Variants in SI observed in about 807,000 individuals in gnomAD.
SI encodes the protein sucrase-isomaltase.
SI carries 235 observed loss-of-function variants against 253.3 expected under a neutral mutation model. The ratio of observed to expected loss-of-function variants is 0.93; its 90% CI spans 0.83 to 1.03. SI has a LOEUF of 1.03. Ranked by LOEUF, SI falls within the 50% of genes least tolerant of loss-of-function variation. The pLI is 0.00. For missense variants in SI, 2,442 were observed against 2,211.1 expected (o/e 1.10, Z -2.09); for synonymous variants, 819 against 712.0 (o/e 1.15, Z -2.39).
the SI span, among the ~76,000 whole-genome samples, chr3:165,086,090 C>T: frequency 6.6e-6 from 1 of 151,964 alleles, no homozygotes; most frequent in African/African-American, 2.4e-5. Flanking sequence ...CATGTCTCTA[C>T]TAAAAGTACA....
At chr3:165,064,573 G>C (rs1325961017) in intron 7 of SI, among the ~76,000 whole-genome samples, 2 of 151,988 alleles carry the variant, frequency 1.3e-5, no homozygotes, top group Non-Finnish European at 2.9e-5. Flanking sequence ...TTAAAGTTAT[G>C]ATGTTTGGTC....
chr3:164,995,137 G>A lies in SI; in HGVS notation c.4693-732C>T, dbSNP rs148723582. 1.9e-3 allele frequency among the ~76,000 whole-genome samples: 282 copies of A among 151,810 alleles called. 2 individuals are homozygous for A. The highest frequency in any genetic ancestry group is 6.2e-3 in the African/African-American group (257 of 41,502). ...TCGAGGTAACATTTAAATGTTTTTC[G>A]TTGACATCAGCATGACTGGGGCCCT... On this transcript the variant is annotated intron_variant, in intron 40 of 47. Coordinates refer to ENST00000264382, the MANE Select transcript of SI (RefSeq NM_001041.4).
chr3:165,043,286 C>T (rs902102421), intron 16 of SI, 111 bp from the exon 17 acceptor site: 140 of 733,300 alleles, frequency 1.9e-4, no homozygotes, highest in Non-Finnish European at 2.0e-4. Context: ...ATTTGTTTTA[C>T]TCCTTTTATA....
chr3:165,057,703 A>C (rs9878023), intron 12 of SI, among the ~76,000 whole-genome samples: 80,501 of 138,950 alleles, frequency 0.58, 21,803 homozygotes, highest in East Asian at 0.79. Flanking sequence ...GCTGTAGAGA[A>C]AAAAAAAAAA....
intron 23 of SI, among the ~76,000 whole-genome samples, 169 bp downstream of exon 23, chr3:165,033,226 A>G (rs1712339970): frequency 6.6e-6 from 1 of 151,640 alleles, no homozygotes; most frequent in Non-Finnish European, 1.5e-5. Context: ...CAATTTATTT[A>G]TAATTTAACA....
intron 44 of SI, among the ~76,000 whole-genome samples, chr3:164,990,522 A>G (rs1717680160): frequency 6.6e-6 from 1 of 152,180 alleles, no homozygotes; most frequent in African/African-American, 2.4e-5. Context: ...TCATAGGCAG[A>G]GGCATTGACA....
At position 165,030,733 on chromosome 3, in the gene SI, T is replaced by G. The variant is rs529332139; in HGVS notation, c.2871A>C (p.Gln957His). The G allele has an allele frequency of 6.2e-7, 1 of 1,608,924 alleles. No homozygotes were observed. Among genetic ancestry groups the G allele is most frequent in the South Asian group, 1.1e-5 (1 of 90,924 alleles). Residue 957 changes from glutamine to histidine, a missense_variant, in exon 25 of 48, where the codon CAA (glutamine) becomes CAC (histidine). Physicochemically the swap from Gln to His is conservative, Grantham distance 24. Transcript: ENST00000264382. ...ADLATEQKCT[Q>H]RGCVWRTGSS... is the part of the protein sequence containing the mutation. The stretch of plus-strand genomic sequence containing the variant: ...TTACCGTTCTCCATACACAGCCACG[T>G]TGTGTGCACTTTTGTTCAGTTGCCA...
At chr3:165,079,425 T>C (rs1433824587), upstream of SI, among the ~76,000 whole-genome samples, 1 of 151,666 alleles carries the variant, frequency 6.6e-6, no homozygotes, top group Non-Finnish European at 1.5e-5. Flanking sequence ...GTAGAGCAAT[T>C]AGTTTTTGAA....
intron 5 of SI, among the ~76,000 whole-genome samples, chr3:165,067,992 T>C (rs1714336199): frequency 6.6e-6 from 1 of 151,496 alleles, no homozygotes; most frequent in Non-Finnish European, 1.5e-5. Context: ...GCTAAAAAGG[T>C]GATATACAAA....
chr3:165,056,009 T>C (rs995093759), intron 12 of SI, among the ~76,000 whole-genome samples: 5 of 152,126 alleles, frequency 3.3e-5, no homozygotes, highest in African/African-American at 1.2e-4. Flanking sequence ...CTATGTGTAT[T>C]ATGCTGTCTT....
At chr3:165,029,563 CTG>C (rs1280406165) in intron 25 of SI, among the ~76,000 whole-genome samples, 1 of 95,808 alleles carries the variant, frequency 1.0e-5, no homozygotes, top group Non-Finnish European at 2.5e-5. Flanking sequence ...GATAAAAAAA[CTG>C]TGGTGTATAT....
At chr3:165,070,484 G>A (rs1348504122) in intron 3 of SI, among the ~76,000 whole-genome samples, 2 of 150,774 alleles carry the variant, frequency 1.3e-5, no homozygotes, top group African/African-American at 2.4e-5. Context: ...TCTAAAGTGT[G>A]TGCAACTTTT....
chr3:165,033,462 G>T lies in SI; in HGVS notation c.2516-18C>A. On this transcript the variant is annotated intron_variant, in intron 22 of 47. Coordinates refer to ENST00000264382, the MANE Select transcript of SI (RefSeq NM_001041.4). Reference sequence around the variant, plus strand: ...TATTGTATCTGAAATGAAAAATATCGTGATCAGTACAAAATGCAATGTTAA... The same window carrying T: ...TATTGTATCTGAAATGAAAAATATCTTGATCAGTACAAAATGCAATGTTAA... The T allele has an allele frequency of 6.6e-7, 1 of 1,526,572 alleles. No individual in the cohort carries two copies. The highest frequency in any genetic ancestry group is 8.8e-7 in the Non-Finnish European group (1 of 1,132,170). The allele number at this position is 1,526,572 out of a possible 1,614,324, so 94.6% of individuals were successfully genotyped here.
At chr3:165,030,915 A>G (rs751641109) in intron 24 of SI, 48 bp from the exon 25 acceptor site, 3 of 1,514,828 alleles carry the variant, frequency 2.0e-6, no homozygotes, top group Non-Finnish European at 2.6e-6. Flanking sequence ...AAAAACACAA[A>G]CAAACAAAAA....
intron 34 of SI, 48 bp from the exon 35 acceptor site, chr3:165,009,443 T>G: frequency 1.0e-6 from 1 of 958,424 alleles, no homozygotes; most frequent in Non-Finnish European, 1.7e-6. Flanking sequence ...TTAAGAGAGA[T>G]TATATACATA....
chr3:165,067,232 C>A (rs1576920469), intron 6 of SI, 108 bp downstream of exon 6: 2 of 823,728 alleles, frequency 2.4e-6, no homozygotes, highest in Admixed American at 2.6e-5. Context: ...TATCCACCTA[C>A]CCTCTTTTGG....
At chr3:165,025,177 C>T (rs1711845103) in intron 25 of SI, among the ~76,000 whole-genome samples, 1 of 151,108 alleles carries the variant, frequency 6.6e-6, no homozygotes, top group South Asian at 2.1e-4. Flanking sequence ...TTGATGATAT[C>T]ATGCTACCAC....
chr3:165,058,869 C>CACACACACACAA, intron 12 of SI, 94 bp downstream of exon 12: 2 of 958,424 alleles, frequency 2.1e-6, no homozygotes, highest in Non-Finnish European at 3.3e-6. Flanking sequence ...TACACACACA[C>CACACACACACAA]ACACACACAC....
intron 33 of SI, 130 bp downstream of exon 33, chr3:165,014,993 T>C: frequency 1.5e-6 from 1 of 684,766 alleles, no homozygotes; most frequent in South Asian, 1.8e-5. Context: ...ATACATTATT[T>C]TATTAGTTAT....
Sources: allele counts gnomAD v4.1 joint callset (sites outside exome capture counted in the v4.1 genomes callset), GRCh38; gene constraint gnomAD v4.1.1; transcripts MANE v1.5; gene names NCBI Gene and HGNC (gene_info 2026-07-23, HGNC 2026-07-21).